Variants in MYO9A observed in about 807,000 individuals in gnomAD.
MYO9A encodes the protein unconventional myosin-IXa.
A neutral mutation model predicts 293.3 loss-of-function variants in MYO9A; 103 were observed. The ratio of observed to expected loss-of-function variants is 0.35; its 90% CI spans 0.30 to 0.41. The LOEUF (loss-of-function observed/expected upper bound fraction) is 0.41. MYO9A is among the 10% of genes least tolerant of loss of function. MYO9A has a pLI of 1.00. For synonymous variants in MYO9A, 1,001 were observed against 1,035.7 expected, an observed-to-expected ratio of 0.97 and a Z score of 0.64; for missense variants, 2,685 against 3,033.0, an observed-to-expected ratio of 0.89 and a Z score of 2.69.
Position 71,826,099 on chromosome 15 carries a change from T to C in MYO9A, c.*481A>G, listed in dbSNP as rs1178840648. On this transcript the variant is annotated 3_prime_UTR_variant, in exon 42 of 42. Transcript: ENST00000356056. ...ATAGAGGGATTAGGCTTTTTGTTTG[T>C]AAGTAAGTTTTTGGAAAAAAATTAT... 1.3e-5 allele frequency: 2 copies of C among 151,770 alleles called. No individual in the cohort carries two copies. The highest frequency in any genetic ancestry group is 2.9e-5 in the Non-Finnish European group (2 of 68,188). 9.4% of individuals were successfully genotyped at this position (151,770 alleles called of 1,614,324 possible). A position where few individuals can be genotyped will look rare whatever the true frequency, so the allele number is the denominator to read the frequency against.
At chr15:72,077,916 AAATG>A (rs1203887539) in intron 1 of MYO9A, among the ~76,000 whole-genome samples, 1 of 151,998 alleles carries the variant, frequency 6.6e-6, no homozygotes, top group East Asian at 1.9e-4. Context: ...ACAAATAACT[AAATG>A]AAGATACTCA....
At chr15:71,844,926 G>A (rs950658895) in intron 39 of MYO9A, among the ~76,000 whole-genome samples, 1 of 152,086 alleles carries the variant, frequency 6.6e-6, no homozygotes, top group Non-Finnish European at 1.5e-5. Context: ...ACGTTACTAG[G>A]GTTTGTCTAT....
rs2075846141 is a variant in MYO9A, at chr15:71,965,347, TTC to T, written c.1986+2635_1986+2636del. Among the ~76,000 whole-genome samples, 11 of 152,174 alleles carry T rather than the reference TTC, an allele frequency of 7.2e-5. No homozygotes were observed. The South Asian group carries it at 2.3e-3, about 31-fold the overall frequency. On this transcript the variant is annotated intron_variant, in intron 13 of 41. Transcript: ENST00000356056. The stretch of plus-strand genomic sequence containing the variant: ...ATAATTTTTTCTTTTTTAAGTTTTT[TTC>T]TTTTTCCTTAGAAAAATATTGAAGA...
intron 1 of MYO9A, among the ~76,000 whole-genome samples, chr15:72,081,921 T>C (rs1414970251): frequency 1.3e-5 from 2 of 152,188 alleles, no homozygotes; most frequent in Non-Finnish European, 2.9e-5. Context: ...TACCATGCTG[T>C]TTTGTTTCCG....
intron 37 of MYO9A, 53 bp downstream of exon 37, chr15:71,851,200 A>T: frequency 7.3e-7 from 1 of 1,365,564 alleles, no homozygotes; most frequent in Non-Finnish European, 1.0e-6. Flanking sequence ...TTATCTATTT[A>T]AAATAATCCA....
chr15:72,026,720 A>C (rs763177116), intron 4 of MYO9A, among the ~76,000 whole-genome samples: 76 of 152,190 alleles, frequency 5.0e-4, no homozygotes, highest in Non-Finnish European at 9.1e-4. Flanking sequence ...CAGACAGAGA[A>C]AGAAGCAGAG....
chr15:71,840,921 G>A (rs1296697808), intron 39 of MYO9A, among the ~76,000 whole-genome samples: 2 of 152,188 alleles, frequency 1.3e-5, no homozygotes, highest in Non-Finnish European at 2.9e-5. Flanking sequence ...GTGAGCCGCC[G>A]TGCCCAGCCT....
At chr15:71,968,190 A>G (rs769409926) in intron 12 of MYO9A, 65 bp from the exon 13 acceptor site, 18 of 1,338,298 alleles carry the variant, frequency 1.3e-5, no homozygotes, top group Non-Finnish European at 1.8e-5. Flanking sequence ...TAATTAGTAC[A>G]GCCCTTTTCA....
At chr15:71,927,091 T>C (rs765397572) in intron 18 of MYO9A, among the ~76,000 whole-genome samples, 14 of 152,090 alleles carry the variant, frequency 9.2e-5, no homozygotes, top group Non-Finnish European at 2.1e-4. Context: ...AGGGCACAAA[T>C]CCAATGATCA....
intron 18 of MYO9A, 127 bp from the exon 19 acceptor site, chr15:71,916,619 G>T (rs968934965): frequency 1.1e-6 from 1 of 871,252 alleles, no homozygotes; most frequent in African/African-American, 1.7e-5. Context: ...TAGTGAATAT[G>T]AAAGACTGAT....
rs560369197 is a variant in MYO9A, at chr15:71,919,185, G to T, written c.2563-2693C>A. ...CTGCAGTGCCACGCACTGTGGCTCA[G>T]GGCTATAATCCGAGAACGGCTGAGG... is the stretch of plus-strand genomic sequence containing the variant. On this transcript the variant is annotated intron_variant, in intron 18 of 41. Coordinates refer to ENST00000356056, the MANE Select transcript of MYO9A (RefSeq NM_006901.4). 2.0e-5 allele frequency among the ~76,000 whole-genome samples: 3 copies of T among 152,260 alleles called. No individual in the cohort carries two copies. The East Asian group carries it at 5.8e-4, about 29-fold the overall frequency.
intron 18 of MYO9A, among the ~76,000 whole-genome samples, chr15:71,928,027 A>ATATATATATATATATATAT (rs2058360113): frequency 9.3e-5 from 1 of 10,756 alleles, no homozygotes; most frequent in African/African-American, 2.2e-4. Flanking sequence ...ATACCTTTCT[A>ATATATATATATATATATAT]ATATATATAT....
At chr15:71,895,705 T>C (rs2057303865) in intron 25 of MYO9A, among the ~76,000 whole-genome samples, 1 of 151,960 alleles carries the variant, frequency 6.6e-6, no homozygotes, top group Non-Finnish European at 1.5e-5. Flanking sequence ...TATAATCTAA[T>C]ATATAATAAT....
intron 3 of MYO9A, among the ~76,000 whole-genome samples, chr15:72,030,173 C>T (rs930204594): frequency 2.0e-5 from 3 of 152,090 alleles, no homozygotes; most frequent in Non-Finnish European, 4.4e-5. Flanking sequence ...CATTTCCAGT[C>T]TAAATTACCA....
At chr15:72,022,349 G>A (rs562740625) in intron 4 of MYO9A, among the ~76,000 whole-genome samples, 12 of 151,988 alleles carry the variant, frequency 7.9e-5, no homozygotes, top group East Asian at 2.0e-4. Flanking sequence ...GTGAAACCCC[G>A]TCTCTACTAA....
Position 72,086,387 on chromosome 15 carries a change from G to T in MYO9A, c.-72+31293C>A, listed in dbSNP as rs2079729374. 2.0e-5 allele frequency among the ~76,000 whole-genome samples: 3 copies of T among 150,242 alleles called. No homozygotes were observed. The South Asian group carries it at 6.3e-4, about 32-fold the overall frequency. On this transcript the variant is annotated intron_variant, in intron 1 of 41. Coordinates refer to ENST00000356056, the MANE Select transcript of MYO9A (RefSeq NM_006901.4). Reference sequence around the variant, plus strand: ...AGGGGGAGGGTTCATTGTTCTCTGTGCCTAGTTTCACTCCAGCAGCAATGT... The same window carrying T: ...AGGGGGAGGGTTCATTGTTCTCTGTTCCTAGTTTCACTCCAGCAGCAATGT...
chr15:71,931,006 T>C (rs1270589072), intron 18 of MYO9A, among the ~76,000 whole-genome samples: 2 of 152,234 alleles, frequency 1.3e-5, no homozygotes, highest in South Asian at 2.1e-4. Flanking sequence ...TTACATTTTA[T>C]ATCTTTTTAT....
chr15:71,830,148 C>A lies in MYO9A; in HGVS notation c.7001G>T (p.Arg2334Ile). ...QQQAAMQQEE[R>I]VLTEQIENLQ... is the part of the protein sequence containing the mutation. ...GTTCTCAATCTGCTCAGTCAGTACT[C>A]TCTCCTCCTGCTGCATAGCTGCTTG... is the stretch of plus-strand genomic sequence containing the variant. Residue 2334 changes from arginine to isoleucine, a missense_variant, in exon 40 of 42, where the codon AGA (arginine) becomes ATA (isoleucine). This residue lies in a region of MYO9A where 350 missense variants were observed against 328.9 expected (regional missense o/e 1.06). Transcript: ENST00000356056. 1 of 1,614,168 alleles carries A rather than the reference C, an allele frequency of 6.2e-7. No homozygotes were observed. The highest frequency in any genetic ancestry group is 8.5e-7 in the Non-Finnish European group (1 of 1,180,002).
At chr15:72,032,260 CA>C (rs1428186297) in intron 3 of MYO9A, among the ~76,000 whole-genome samples, 4 of 152,060 alleles carry the variant, frequency 2.6e-5, no homozygotes, top group Admixed American at 2.6e-4. Flanking sequence ...ATATAGAAAG[CA>C]AATGCAACAC....
Sources: allele counts gnomAD v4.1 joint callset (sites outside exome capture counted in the v4.1 genomes callset), GRCh38; gene constraint gnomAD v4.1.1; regional missense constraint gnomAD v4.1.1; transcripts MANE v1.5; gene names NCBI Gene and HGNC (gene_info 2026-07-23, HGNC 2026-07-21).